Variants in GRAMD2B observed in about 807,000 individuals in gnomAD.
GRAMD2B encodes the protein GRAM domain containing 2B.
GRAMD2B carries 41 observed loss-of-function variants against 59.2 expected under a neutral mutation model. The ratio of observed to expected loss-of-function variants is 0.69; its 90% confidence interval spans 0.54 to 0.90. The LOEUF is 0.90. GRAMD2B is among the 40% of genes least tolerant of loss of function. The probability of loss-of-function intolerance (pLI) is 0.00; values close to 1 mark genes in which losing one functional copy is unlikely to be tolerated. For synonymous variants in GRAMD2B, 161 were observed against 182.7 expected, an observed-to-expected ratio of 0.88 and a Z score of 0.96; for missense variants, 424 against 500.5, an observed-to-expected ratio of 0.85 and a Z score of 1.46.
chr5:126,457,221 A>T (rs1766473305), intron 1 of GRAMD2B, among the ~76,000 whole-genome samples: 1 of 136,100 alleles, frequency 7.3e-6, no homozygotes, highest in Non-Finnish European at 1.6e-5. Flanking sequence ...AAAAAAAAAA[A>T]GAAGTACCTG....
chr5:126,372,313 C>T (rs896382011), intron 1 of GRAMD2B, among the ~76,000 whole-genome samples: 12 of 152,126 alleles, frequency 7.9e-5, no homozygotes, highest in African/African-American at 2.4e-4. Flanking sequence ...TAAACTTTAA[C>T]GTAGCATTCA....
chr5:126,442,856 T>A (rs1763535270), intron 1 of GRAMD2B, among the ~76,000 whole-genome samples: 2 of 152,012 alleles, frequency 1.3e-5, no homozygotes, highest in South Asian at 2.1e-4. Context: ...AAAATAAAAT[T>A]AAAAAAAACC....
At chr5:126,449,774 C>T (rs930029818) in intron 1 of GRAMD2B, among the ~76,000 whole-genome samples, 2 of 152,138 alleles carry the variant, frequency 1.3e-5, no homozygotes, top group Non-Finnish European at 2.9e-5. Flanking sequence ...TGCTGATGCC[C>T]GTGTTGATTC....
chr5:126,442,774 A>AT (rs537013258), intron 1 of GRAMD2B, among the ~76,000 whole-genome samples: 2 of 151,994 alleles, frequency 1.3e-5, no homozygotes, highest in African/African-American at 4.8e-5. Flanking sequence ...TTCTTTAAAG[A>AT]TTTTTTTTAA....
intron 1 of GRAMD2B, among the ~76,000 whole-genome samples, chr5:126,404,095 A>T (rs1170806775): frequency 6.6e-6 from 1 of 151,928 alleles, no homozygotes; most frequent in African/African-American, 2.4e-5. Context: ...TTGTGGTGCT[A>T]TGGAAATGCT....
At chr5:126,368,408 G>C (rs1754567756), upstream of GRAMD2B, among the ~76,000 whole-genome samples, 1 of 152,186 alleles carries the variant, frequency 6.6e-6, no homozygotes, top group Non-Finnish European at 1.5e-5. Flanking sequence ...TTCTTTCAAT[G>C]ATCATGTACT....
chr5:126,401,873 T>G (rs970783902), intron 1 of GRAMD2B, among the ~76,000 whole-genome samples: 3 of 152,122 alleles, frequency 2.0e-5, no homozygotes, highest in African/African-American at 7.2e-5. Context: ...TGTTGCTGAT[T>G]GACTCAGACA....
intron 1 of GRAMD2B, among the ~76,000 whole-genome samples, chr5:126,409,243 G>A (rs1332320886): frequency 5.3e-5 from 8 of 152,168 alleles, no homozygotes; most frequent in African/African-American, 1.9e-4. Context: ...TCTAGTTCTA[G>A]ATCCTTGAGG....
intron 1 of GRAMD2B, among the ~76,000 whole-genome samples, chr5:126,434,674 C>G (rs746424365): frequency 6.6e-6 from 1 of 152,002 alleles, no homozygotes; most frequent in Non-Finnish European, 1.5e-5. Context: ...CCCGCCACCA[C>G]GCCCGGCTAA....
upstream of GRAMD2B, among the ~76,000 whole-genome samples, chr5:126,422,200 T>A (rs1424825734): frequency 7.4e-5 from 1 of 13,520 alleles, no homozygotes; most frequent in African/African-American, 2.7e-4. Context: ...TATGCACGGA[T>A]TTTTTTTTTT....
upstream of GRAMD2B, among the ~76,000 whole-genome samples, chr5:126,421,485 C>A (rs894568605): frequency 6.6e-6 from 1 of 152,148 alleles, no homozygotes; most frequent in East Asian, 1.9e-4. Flanking sequence ...AAGGAGACAG[C>A]CTTCAAGCTT....
intron 3 of GRAMD2B, 37 bp from the exon 4 acceptor site, chr5:126,472,201 T>G: frequency 8.8e-5 from 133 of 1,515,296 alleles, no homozygotes; most frequent in Middle Eastern, 1.7e-4. Context: ...CACAAGAAAG[T>G]GAGAATGGTG....
At chr5:126,383,783 A>T (rs1034574651) in intron 1 of GRAMD2B, among the ~76,000 whole-genome samples, 1 of 152,144 alleles carries the variant, frequency 6.6e-6, no homozygotes, top group African/African-American at 2.4e-5. Flanking sequence ...AATCAAACCC[A>T]CTTTCGAGGG....
chr5:126,423,483 G>T lies in GRAMD2B; in HGVS notation c.-124G>T. The T allele has an allele frequency of 6.8e-7, 1 of 1,460,398 alleles. No homozygotes were observed. The highest frequency in any genetic ancestry group is 1.4e-5 in the South Asian group (1 of 71,342). The allele number at this position is 1,460,398 out of a possible 1,614,324, so 90.5% of individuals were successfully genotyped here. ...GCGGCCCGGCCTGGATGCGCTGGGC[G>T]GAGGGTGCAGGGGAGGGCACGGCGC... On this transcript the variant is annotated 5_prime_UTR_variant, in exon 1 of 14. Coordinates refer to ENST00000285689, the MANE Select transcript of GRAMD2B (RefSeq NM_023927.4).
chr5:126,445,923 G>C (rs1003043758), intron 1 of GRAMD2B, among the ~76,000 whole-genome samples: 1 of 152,128 alleles, frequency 6.6e-6, no homozygotes, highest in African/African-American at 2.4e-5. Context: ...AAGGGGTCCT[G>C]GTACCTGGTG....
chr5:126,416,573 C>T (rs1275750668), intron 1 of GRAMD2B, among the ~76,000 whole-genome samples: 1 of 152,186 alleles, frequency 6.6e-6, no homozygotes, highest in African/African-American at 2.4e-5. Context: ...TGGGAGAGGA[C>T]AGATAATAAA....
At chr5:126,418,485 G>A (rs966252540), upstream of GRAMD2B, among the ~76,000 whole-genome samples, 1 of 152,168 alleles carries the variant, frequency 6.6e-6, no homozygotes, top group South Asian at 2.1e-4. Context: ...GAGCATGAGT[G>A]CTAAGCATAG....
At chr5:126,446,982 G>T (rs186491381) in intron 1 of GRAMD2B, among the ~76,000 whole-genome samples, 2 of 152,080 alleles carry the variant, frequency 1.3e-5, no homozygotes, top group African/African-American at 4.8e-5. Flanking sequence ...AAGGCATGAC[G>T]GCCCCTCCCA....
intron 1 of GRAMD2B, among the ~76,000 whole-genome samples, chr5:126,387,890 C>T (rs780933558): frequency 6.6e-6 from 1 of 152,174 alleles, no homozygotes; most frequent in East Asian, 1.9e-4. Context: ...ATCTGAAGTG[C>T]TACATTTACT....
Sources: gnomAD v4.1 joint callset for allele counts (sites outside exome capture counted in the v4.1 genomes callset) on GRCh38, gnomAD v4.1.1 for gene constraint, MANE v1.5 for transcripts, NCBI Gene and HGNC (gene_info 2026-07-23, HGNC 2026-07-21) for gene names.